MLIP: variants seen among roughly 807,000 people sequenced by gnomAD.
MLIP encodes muscular LMNA-interacting protein.
In MLIP, 79 loss-of-function variants were observed where a neutral mutation model predicts 84.8. The observed-to-expected ratio is 0.93, with a 90% confidence interval of 0.78 to 1.12. The LOEUF (loss-of-function observed/expected upper bound fraction) is 1.12. Among genes scored for constraint, MLIP ranks in the 50% most tolerant of loss-of-function variants. The pLI is 0.00. For missense variants in MLIP, 1,257 were observed against 1,160.6 expected (o/e 1.08, Z -1.21); for synonymous variants, 504 against 463.0 (o/e 1.09, Z -1.14).
intron 12 of MLIP, 44 bp downstream of exon 12, chr6:54,230,961 C>T: frequency 1.3e-6 from 2 of 1,556,486 alleles, no homozygotes; most frequent in Non-Finnish European, 8.8e-7. Context: ...ATTCTGTGAA[C>T]CTTCATTACG....
At chr6:54,099,657 G>A (rs1180490614) in intron 1 of MLIP, 1 of 152,168 alleles carries the variant, frequency 6.6e-6, no homozygotes, top group Non-Finnish European at 1.5e-5. Flanking sequence ...ACTGAGAAGT[G>A]ATTCTTAAAA....
chr6:54,066,835 T>A (rs1766245591), intron 1 of MLIP, among the ~76,000 whole-genome samples: 1 of 75,332 alleles, frequency 1.3e-5, no homozygotes, highest in African/African-American at 3.3e-5. Context: ...AGATAACACA[T>A]GACCACAAAT....
chr6:54,114,033 C>T (rs1769697899), intron 1 of MLIP, among the ~76,000 whole-genome samples: 1 of 152,150 alleles, frequency 6.6e-6, no homozygotes, highest in Admixed American at 6.5e-5. Context: ...TCAGTGTAGA[C>T]TGTGAGAAAT....
chr6:54,041,966 T>C (rs554550654), intron 1 of MLIP, among the ~76,000 whole-genome samples: 123 of 152,236 alleles, frequency 8.1e-4, no homozygotes, highest in South Asian at 2.1e-3. Context: ...TGGTACCACT[T>C]AGTGAGAACC....
Position 54,137,419 on chromosome 6 carries a change from A to C in MLIP, c.1350A>C (p.Thr450=). 6.5e-7 allele frequency: 1 copy of C among 1,535,742 alleles called. No homozygotes were observed. The highest frequency in any genetic ancestry group is 8.7e-7 in the Non-Finnish European group (1 of 1,146,784). The change falls in exon 4 of 14, where the codon ACA becomes ACC. Residue 450 remains threonine (T), a synonymous_variant. Coordinates refer to ENST00000502396, the MANE Select transcript of MLIP (RefSeq NM_001281747.2). ...ACTCCCCGGCCTCTTCCACGCTCACACTTGACCAAAAAGAAAAGCAGACCC... is the reference window on the plus strand; with the variant it reads ...ACTCCCCGGCCTCTTCCACGCTCACCCTTGACCAAAAAGAAAAGCAGACCC... The part of the protein sequence containing the change: ...SLNSPASSTL[T]LDQKEKQTPP...
upstream of MLIP, chr6:54,111,338 C>G: frequency 7.2e-7 from 1 of 1,381,220 alleles, no homozygotes; most frequent in South Asian, 1.6e-5. Context: ...GGAGCTGACA[C>G]AATTCCTCAA....
chr6:54,243,771 G>A lies in MLIP; in HGVS notation c.2922+12854G>A, dbSNP rs767339781. On this transcript the variant is annotated intron_variant, in intron 12 of 13. Transcript: ENST00000502396. ...CACCACCACCCGGGAATCACGCACA[G>A]GCTTCCGTTTGGTCAAACCCAGCAC... is the stretch of plus-strand genomic sequence containing the variant. 1.2e-3 allele frequency among the ~76,000 whole-genome samples: 179 copies of A among 151,210 alleles called. 1 individual carries two copies. The highest frequency in any genetic ancestry group is 3.5e-4 in the Non-Finnish European group (24 of 68,004).
chr6:54,040,294 A>C (rs1244151328), intron 1 of MLIP, among the ~76,000 whole-genome samples: 4 of 152,022 alleles, frequency 2.6e-5, no homozygotes, highest in Middle Eastern at 3.2e-3. Context: ...AGGTAATTTC[A>C]GTTAACAATA....
chr6:54,097,758 C>G (rs964349708), intron 1 of MLIP, among the ~76,000 whole-genome samples: 2 of 152,136 alleles, frequency 1.3e-5, no homozygotes, highest in African/African-American at 4.8e-5. Flanking sequence ...ATATCTATTG[C>G]ATAATTTAAT....
At chr6:54,060,899 G>C (rs1325607563) in intron 1 of MLIP, among the ~76,000 whole-genome samples, 1 of 151,682 alleles carries the variant, frequency 6.6e-6, no homozygotes, top group Non-Finnish European at 1.5e-5. Context: ...CAATGCCCTA[G>C]GGAGAAATCA....
chr6:54,196,648 A>G (rs1016062078), intron 10 of MLIP, among the ~76,000 whole-genome samples: 3 of 152,030 alleles, frequency 2.0e-5, no homozygotes, highest in Admixed American at 2.0e-4. Flanking sequence ...TAGACTCCAT[A>G]TTGAATTATA....
intron 1 of MLIP, among the ~76,000 whole-genome samples, chr6:54,034,654 T>C (rs1316999163): frequency 6.6e-6 from 1 of 152,114 alleles, no homozygotes; most frequent in Admixed American, 6.5e-5. Context: ...CTAAGTATTA[T>C]TACAAAAGTC....
At chr6:54,237,443 G>A (rs1781439523) in intron 12 of MLIP, among the ~76,000 whole-genome samples, 2 of 152,068 alleles carry the variant, frequency 1.3e-5, no homozygotes, top group South Asian at 4.1e-4. Context: ...GAAGGTATAT[G>A]TGGCTCAATG....
chr6:54,081,748 A>C (rs1356880461), intron 1 of MLIP, among the ~76,000 whole-genome samples: 1 of 152,130 alleles, frequency 6.6e-6, no homozygotes, highest in Non-Finnish European at 1.5e-5. Flanking sequence ...ATGTTAAGAC[A>C]CTGACCTCGC....
intron 9 of MLIP, among the ~76,000 whole-genome samples, chr6:54,175,981 A>G (rs1776243396): frequency 6.6e-6 from 1 of 152,074 alleles, no homozygotes; most frequent in Non-Finnish European, 1.5e-5. Flanking sequence ...TTCAGCATCA[A>G]TGATGATATG....
Position 54,048,526 on chromosome 6 carries a change from C to T in MLIP, c.63+29435C>T, listed in dbSNP as rs139373048. On this transcript the variant is annotated intron_variant, in intron 1 of 12. Transcript: ENST00000274897. ...CAGTGGGCATGTGGTCATGAAGGAG[C>T]ATAACTGCAACTGGCTTCGATCTAC... 5.8e-4 allele frequency among the ~76,000 whole-genome samples: 88 copies of T among 152,222 alleles called. No individual in the cohort carries two copies. In the East Asian group the frequency reaches 0.014, roughly 25 times the overall value.
intron 5 of MLIP, among the ~76,000 whole-genome samples, chr6:54,153,659 C>G (rs960856823): frequency 4.6e-5 from 7 of 151,792 alleles, no homozygotes; most frequent in African/African-American, 1.7e-4. Context: ...ACCAGCCTGG[C>G]CAACATGGTG....
Position 54,117,807 on chromosome 6 carries a change from G to A in MLIP, c.97-3640G>A, listed in dbSNP as rs556271240. Among the ~76,000 whole-genome samples, 88 of 151,886 alleles carry A rather than the reference G, an allele frequency of 5.8e-4. 2 individuals carry two copies. Among genetic ancestry groups the A allele is most frequent in the Admixed American group, 2.5e-3 (38 of 15,268 alleles). On this transcript the variant is annotated intron_variant, in intron 1 of 13. Transcript: ENST00000502396. ...TAAAAATACAAAAAGTTAGCTGGGC[G>A]TGTTGGCGGGCGCCTGTAGTCCCAG...
chr6:54,090,645 A>G (rs1050561151), intron 1 of MLIP, among the ~76,000 whole-genome samples: 3 of 138,204 alleles, frequency 2.2e-5, no homozygotes, highest in Non-Finnish European at 4.8e-5. Context: ...TAAGTATTGT[A>G]TCTGTGTGTG....
Sources: gnomAD v4.1 joint callset for allele counts (sites outside exome capture counted in the v4.1 genomes callset) on GRCh38, gnomAD v4.1.1 for gene constraint, MANE v1.5 for transcripts, NCBI Gene and HGNC (gene_info 2026-07-23, HGNC 2026-07-21) for gene names.